The following LYPD6B variants were observed in gnomAD, a reference collection of about 807,000 sequenced individuals.
The protein encoded by LYPD6B is LY6/PLAUR domain containing 6B.
LYPD6B carries 17 observed loss-of-function variants against 22.8 expected under a neutral mutation model. The ratio of observed to expected loss-of-function variants is 0.75; its 90% CI spans 0.51 to 1.12. The LOEUF is 1.12. Ranked by LOEUF, LYPD6B falls within the 50% of genes most tolerant of loss-of-function variation. The probability of loss-of-function intolerance (pLI) is 0.00; values close to 1 mark genes in which losing one functional copy is unlikely to be tolerated. For missense variants in LYPD6B, 221 were observed against 258.3 expected, an observed-to-expected ratio of 0.86 and a Z score of 0.99; for synonymous variants, 106 against 91.6, an observed-to-expected ratio of 1.16 and a Z score of -0.90.
chr2:149,081,347 C>G (rs924999238), intron 1 of LYPD6B, among the ~76,000 whole-genome samples: 1 of 152,174 alleles, frequency 6.6e-6, no homozygotes, highest in Admixed American at 6.5e-5. Context: ...TTAGGTAATA[C>G]CACCATTTCT....
intron 1 of LYPD6B, among the ~76,000 whole-genome samples, chr2:149,112,315 A>G (rs1057193777): frequency 2.0e-5 from 3 of 152,154 alleles, no homozygotes; most frequent in Non-Finnish European, 4.4e-5. Context: ...ATAACTTTAT[A>G]TGCTGTTTGA....
intron 3 of LYPD6B, among the ~76,000 whole-genome samples, chr2:149,173,204 TG>T (rs1690977208): frequency 6.6e-6 from 1 of 151,882 alleles, no homozygotes; most frequent in Non-Finnish European, 1.5e-5. Context: ...AAAGACATGG[TG>T]TTTGTAATTA....
chr2:149,067,314 T>A lies in LYPD6B; in HGVS notation c.-67+28513T>A, dbSNP rs532174741. On this transcript the variant is annotated intron_variant, in intron 1 of 6. Coordinates refer to ENST00000409642, the MANE Select transcript of LYPD6B (RefSeq NM_177964.5). ...GCTTTTTCCTGATCATATTTTATATTTATTCATTATGATCCTTAATAAATA... is the reference window on the plus strand; with the variant it reads ...GCTTTTTCCTGATCATATTTTATATATATTCATTATGATCCTTAATAAATA... 1.8e-3 allele frequency among the ~76,000 whole-genome samples: 277 copies of A among 152,300 alleles called. 1 individual carries two copies. The highest frequency in any genetic ancestry group is 3.1e-3 in the Non-Finnish European group (212 of 68,022).
At chr2:149,099,416 G>GCCTAGGATTCTTGTA in intron 1 of LYPD6B, among the ~76,000 whole-genome samples, 1 of 102,220 alleles carries the variant, frequency 9.8e-6, no homozygotes, top group Non-Finnish European at 2.1e-5. Context: ...AGTTCCTTGG[G>GCCTAGGATTCTTGTA]CCTAGGATCC....
chr2:149,190,402 G>T (rs1330644296), intron 3 of LYPD6B, among the ~76,000 whole-genome samples: 2 of 152,138 alleles, frequency 1.3e-5, no homozygotes, highest in African/African-American at 4.8e-5. Context: ...ATGTATCATT[G>T]TACATGTATG....
intron 1 of LYPD6B, among the ~76,000 whole-genome samples, chr2:149,058,131 C>CT (rs1374617697): frequency 6.6e-6 from 1 of 152,126 alleles, no homozygotes; most frequent in East Asian, 1.9e-4. Context: ...GATGAGTTGC[C>CT]TTGGCCCTCT....
intron 5 of LYPD6B, among the ~76,000 whole-genome samples, chr2:149,212,398 A>AAAAAAAAAAC (rs1693924666): frequency 6.6e-6 from 1 of 150,686 alleles, no homozygotes; most frequent in Non-Finnish European, 1.5e-5. Flanking sequence ...AAAAAAAAAA[A>AAAAAAAAAAC]AAAAAAGAAA....
chr2:149,078,612 A>G (rs1467765485), intron 1 of LYPD6B, among the ~76,000 whole-genome samples: 1 of 152,216 alleles, frequency 6.6e-6, no homozygotes, highest in Admixed American at 6.5e-5. Flanking sequence ...ATTTGAAAGA[A>G]CAAATAGAAA....
At chr2:149,191,037 T>A (rs1326512062) in intron 3 of LYPD6B, among the ~76,000 whole-genome samples, 1 of 152,152 alleles carries the variant, frequency 6.6e-6, no homozygotes, top group Non-Finnish European at 1.5e-5. Context: ...CATGAACAAT[T>A]TTAAGCTTAT....
intron 1 of LYPD6B, among the ~76,000 whole-genome samples, chr2:149,063,853 AAAAC>A (rs1684205651): frequency 6.6e-6 from 1 of 152,248 alleles, no homozygotes; most frequent in Non-Finnish European, 1.5e-5. Context: ...AGCAAGGAAA[AAAAC>A]AAACAAGTTT....
intron 2 of LYPD6B, among the ~76,000 whole-genome samples, chr2:149,145,129 G>A (rs571631690): frequency 8.8e-4 from 134 of 152,212 alleles, no homozygotes; most frequent in African/African-American, 3.2e-3. Context: ...TTTTAAATTA[G>A]GCTTCTTGGA....
At chr2:149,196,502 T>C (rs1045341878) in intron 3 of LYPD6B, among the ~76,000 whole-genome samples, 1 of 152,206 alleles carries the variant, frequency 6.6e-6, no homozygotes, top group Non-Finnish European at 1.5e-5. Context: ...GTCAGCGACA[T>C]GAAACCCTAG....
chr2:149,165,280 G>A (rs1210885246), intron 3 of LYPD6B, among the ~76,000 whole-genome samples: 11 of 152,146 alleles, frequency 7.2e-5, no homozygotes, highest in Non-Finnish European at 1.6e-4. Context: ...AAAGCTATAG[G>A]ACCAGCCCAG....
intron 3 of LYPD6B, among the ~76,000 whole-genome samples, chr2:149,163,802 T>C (rs1380068877): frequency 6.6e-6 from 1 of 152,172 alleles, no homozygotes; most frequent in Non-Finnish European, 1.5e-5. Flanking sequence ...GGGAAGACTT[T>C]TGCTCTAACC....
chr2:149,075,570 G>C (rs998585425), intron 1 of LYPD6B, among the ~76,000 whole-genome samples: 1 of 152,086 alleles, frequency 6.6e-6, no homozygotes, highest in African/African-American at 2.4e-5. Context: ...ACTTCTCTTG[G>C]AGAAAAGAAA....
intron 1 of LYPD6B, among the ~76,000 whole-genome samples, chr2:149,041,098 CAAAAAAAAAA>C (rs552623435): frequency 9.0e-6 from 1 of 110,794 alleles, no homozygotes; most frequent in South Asian, 2.7e-4. Context: ...GACTCCGTCT[CAAAAAAAAAA>C]AAAAAAAAAA....
intron 3 of LYPD6B, among the ~76,000 whole-genome samples, chr2:149,198,472 C>A (rs549036363): frequency 1.2e-4 from 19 of 152,220 alleles, no homozygotes; most frequent in African/African-American, 4.3e-4. Context: ...TTAGAAGAGT[C>A]TTTTAGGTTT....
intron 1 of LYPD6B, among the ~76,000 whole-genome samples, chr2:149,104,133 A>G (rs1686352603): frequency 6.6e-6 from 1 of 152,014 alleles, no homozygotes; most frequent in Non-Finnish European, 1.5e-5. Context: ...TTATGCCCAC[A>G]ATCTGTTTAT....
rs1444548212 is a variant in LYPD6B, at chr2:149,136,778, A to ATGAATAT, written c.5+5828_5+5834dup. On this transcript the variant is annotated intron_variant, in intron 2 of 6. Transcript: ENST00000409642. Reference sequence around the variant, plus strand: ...TGTGAATACTGGTCAAAGTAAGCTAATGAATATTGGCCTAATTAAAAAATG... The same window carrying ATGAATAT: ...TGTGAATACTGGTCAAAGTAAGCTAATGAATATTGAATATTGGCCTAATTAAAAAATG... 2.0e-5 allele frequency among the ~76,000 whole-genome samples: 3 copies of ATGAATAT among 152,364 alleles called. No homozygotes were observed. The East Asian group carries it at 5.8e-4, about 29-fold the overall frequency.
Sources: allele counts gnomAD v4.1 joint callset (sites outside exome capture counted in the v4.1 genomes callset), GRCh38; gene constraint gnomAD v4.1.1; transcripts MANE v1.5; gene names NCBI Gene and HGNC (gene_info 2026-07-23, HGNC 2026-07-21).